SHC3: variants seen among roughly 807,000 people sequenced by gnomAD.
SHC3 encodes SHC-transforming protein 3.
In SHC3, 15 loss-of-function variants were observed where a neutral mutation model predicts 60.4. That is an observed-to-expected ratio of 0.25 (90% confidence interval 0.17 to 0.38). The LOEUF (loss-of-function observed/expected upper bound fraction) is 0.38. Among genes scored for constraint, SHC3 ranks in the 10% least tolerant of loss-of-function variants. The pLI, the probability that SHC3 is intolerant of heterozygous loss-of-function variation, is 1.00. For missense variants in SHC3, 677 were observed against 786.1 expected (o/e 0.86, Z 1.66); for synonymous variants, 294 against 325.9 (o/e 0.90, Z 1.05).
At chr9:89,013,620 C>A in intron 11 of SHC3, 45 bp from the exon 12 acceptor site, 5 of 1,581,554 alleles carry the variant, frequency 3.2e-6, no homozygotes, top group Admixed American at 3.6e-5. Context: ...TCACAGGCAG[C>A]AAAAAGAGAA....
chr9:89,113,021 T>G (rs1362260081), intron 1 of SHC3, among the ~76,000 whole-genome samples: 2 of 152,186 alleles, frequency 1.3e-5, no homozygotes, highest in Admixed American at 6.5e-5. Context: ...TCTAGTCTTT[T>G]ACGAGGCTTC....
chr9:89,089,715 A>G (rs940722792), intron 2 of SHC3, among the ~76,000 whole-genome samples: 3 of 152,222 alleles, frequency 2.0e-5, no homozygotes, highest in African/African-American at 7.2e-5. Context: ...CAGGCTTCAG[A>G]GCCACTTTTT....
intron 2 of SHC3, among the ~76,000 whole-genome samples, chr9:89,081,863 G>A (rs1324204019): frequency 1.3e-5 from 2 of 152,118 alleles, no homozygotes; most frequent in Non-Finnish European, 2.9e-5. Flanking sequence ...GGTGGCCACG[G>A]AAGAAAGTGC....
chr9:89,072,656 C>T (rs1825292923), intron 4 of SHC3, among the ~76,000 whole-genome samples: 1 of 152,126 alleles, frequency 6.6e-6, no homozygotes, highest in Non-Finnish European at 1.5e-5. Flanking sequence ...CTACATAAGT[C>T]TTCCATGCTA....
Position 89,012,034 on chromosome 9 carries a change from T to G in SHC3, c.*1413A>C, listed in dbSNP as rs1353471019. 6.6e-6 allele frequency: 1 copy of G among 152,220 alleles called. No homozygotes were observed. The highest frequency in any genetic ancestry group is 2.4e-5 in the African/African-American group (1 of 41,458). 9.4% of individuals were successfully genotyped at this position (152,220 alleles called of 1,614,324 possible). On this transcript the variant is annotated 3_prime_UTR_variant, in exon 12 of 12. Coordinates refer to ENST00000375835, the MANE Select transcript of SHC3 (RefSeq NM_016848.6). The stretch of plus-strand genomic sequence containing the variant: ...ATTTATCACTATCCAACTCTAAGCG[T>G]GTTTAGTGTGTCTTTCTGTTCTGCT...
At chr9:89,018,999 C>T (rs761097243) in intron 11 of SHC3, among the ~76,000 whole-genome samples, 3 of 149,568 alleles carry the variant, frequency 2.0e-5, no homozygotes, top group East Asian at 2.0e-4. Context: ...ATGGAGGCTG[C>T]GGTGAACTGA....
intron 1 of SHC3, among the ~76,000 whole-genome samples, chr9:89,135,764 T>G (rs908330228): frequency 2.6e-5 from 4 of 152,144 alleles, no homozygotes; most frequent in Admixed American, 2.0e-4. Flanking sequence ...AGAATTGAGA[T>G]GGATGAGTAA....
At chr9:89,135,862 T>C (rs1366355082) in intron 1 of SHC3, among the ~76,000 whole-genome samples, 2 of 152,212 alleles carry the variant, frequency 1.3e-5, no homozygotes, top group Non-Finnish European at 2.9e-5. Context: ...TCAACAATTT[T>C]CCAGTTCATA....
intron 2 of SHC3, 135 bp from the exon 3 acceptor site, chr9:89,078,038 A>G: frequency 1.0e-6 from 1 of 973,658 alleles, no homozygotes. Context: ...CCAATTTGGG[A>G]GTCATCCGAT....
intron 8 of SHC3, among the ~76,000 whole-genome samples, chr9:89,046,488 T>A (rs1824777498): frequency 1.3e-5 from 2 of 152,288 alleles, no homozygotes; most frequent in South Asian, 2.1e-4. Flanking sequence ...GCGTCTATAT[T>A]CACTCCTTTT....
intron 10 of SHC3, among the ~76,000 whole-genome samples, chr9:89,040,682 C>T (rs1231497920): frequency 6.6e-6 from 1 of 152,230 alleles, no homozygotes; most frequent in Admixed American, 6.5e-5. Context: ...AAAGTGGCTT[C>T]ACATTTCTCA....
chr9:89,112,692 T>C (rs1280070004), intron 1 of SHC3, 66 bp from the exon 2 acceptor site: 13 of 1,405,064 alleles, frequency 9.3e-6, no homozygotes, highest in African/African-American at 7.5e-5. Context: ...CTCCTAACTA[T>C]ACAAGGGCAT....
chr9:89,062,212 T>G (rs1825102432), intron 6 of SHC3, among the ~76,000 whole-genome samples: 1 of 152,190 alleles, frequency 6.6e-6, no homozygotes, highest in Non-Finnish European at 1.5e-5. Flanking sequence ...TAATGAAAGT[T>G]CCAATGTAAA....
chr9:89,145,330 G>C (rs1353404695), intron 1 of SHC3, among the ~76,000 whole-genome samples: 2 of 152,208 alleles, frequency 1.3e-5, no homozygotes, highest in Non-Finnish European at 2.9e-5. Context: ...GCCTTGTATA[G>C]ATGGACTTCA....
chr9:89,102,893 C>A lies in SHC3; in HGVS notation c.545+9663G>T, dbSNP rs138678001. Reference sequence around the variant, plus strand: ...AGTTCAATATGATGTGCAATGAAATCAAAGTCTCCAGATGAATACGAACAT... The same window carrying A: ...AGTTCAATATGATGTGCAATGAAATAAAAGTCTCCAGATGAATACGAACAT... On this transcript the variant is annotated intron_variant, in intron 2 of 11. Transcript: ENST00000375835. 1.6e-3 allele frequency among the ~76,000 whole-genome samples: 249 copies of A among 152,258 alleles called. 1 individual carries two copies. The highest frequency in any genetic ancestry group is 5.8e-3 in the African/African-American group (239 of 41,542).
Position 89,046,879 on chromosome 9 carries a change from G to A in SHC3, c.1078C>T (p.Leu360=). 2 of 1,609,906 alleles carry A rather than the reference G, an allele frequency of 1.2e-6. No homozygotes were observed. Among genetic ancestry groups the A allele is most frequent in the Non-Finnish European group, 1.7e-6 (2 of 1,178,250 alleles). ...PPPGGFLDTR[L]KPRPHAPDTA... ...TCAGGAGCATGGGGTCTGGGTTTCA[G>A]TCTAGTATCAAGAAAGCCCCCTGGA... The change falls in exon 8 of 12, where the codon CTG becomes TTG. Residue 360 remains leucine, a synonymous_variant. Coordinates refer to ENST00000375835, the MANE Select transcript of SHC3 (RefSeq NM_016848.6).
chr9:89,104,828 T>A (rs886181662), intron 2 of SHC3, among the ~76,000 whole-genome samples: 4 of 151,876 alleles, frequency 2.6e-5, no homozygotes, highest in Admixed American at 1.3e-4. Flanking sequence ...GAGGGCCTTA[T>A]GTTTTCTATA....
chr9:89,097,134 A>C (rs1277039724), intron 2 of SHC3, among the ~76,000 whole-genome samples: 1 of 125,710 alleles, frequency 8.0e-6, no homozygotes, highest in Non-Finnish European at 1.7e-5. Context: ...AAAAAAAAAA[A>C]CAAGGCCACA....
chr9:89,037,293 T>C lies in SHC3; in HGVS notation c.1656+700A>G, dbSNP rs1587687773. The C allele has an allele frequency of 8.9e-6, 5 of 562,348 alleles. No individual in the cohort carries two copies. The East Asian group carries it at 1.5e-4, about 17-fold the overall frequency. 34.8% of individuals were successfully genotyped at this position (562,348 alleles called of 1,614,324 possible). A position where few individuals can be genotyped will look rare whatever the true frequency, so the allele number is the denominator to read the frequency against. On this transcript the variant is annotated intron_variant, in intron 11 of 11. Transcript: ENST00000375835. The stretch of plus-strand genomic sequence containing the variant: ...ATGTTCTTAACTCCTATTAAATAAC[T>C]CTACCCTGCTTTGTTGTTTTCACTG...
Sources: gnomAD v4.1 joint callset for allele counts (sites outside exome capture counted in the v4.1 genomes callset) on GRCh38, gnomAD v4.1.1 for gene constraint, MANE v1.5 for transcripts, NCBI Gene and HGNC (gene_info 2026-07-23, HGNC 2026-07-21) for gene names.